RBFOX1: variants seen among roughly 807,000 people sequenced by gnomAD.
RBFOX1 encodes RNA binding fox-1 homolog 1.
Under a neutral mutation model 57.7 loss-of-function variants are expected in RBFOX1, and 8 were observed. The ratio of observed to expected loss-of-function variants is 0.14; its 90% CI spans 0.08 to 0.25. The LOEUF (loss-of-function observed/expected upper bound fraction) is 0.25. RBFOX1 is among the 10% of genes least tolerant of loss of function. The pLI is 1.00. For synonymous variants in RBFOX1, 326 were observed against 222.4 expected (o/e 1.47, Z -4.15); for missense variants, 611 against 548.5 (o/e 1.11, Z -1.14).
At chr16:7,324,075 A>G (rs2096580005) in intron 4 of RBFOX1, among the ~76,000 whole-genome samples, 1 of 152,048 alleles carries the variant, frequency 6.6e-6, no homozygotes, top group Non-Finnish European at 1.5e-5. Flanking sequence ...GTGCTTTTAT[A>G]TGCTAATAGT....
At chr16:7,528,245 G>A (rs997979216) in intron 5 of RBFOX1, among the ~76,000 whole-genome samples, 1 of 152,190 alleles carries the variant, frequency 6.6e-6, no homozygotes, top group Admixed American at 6.5e-5. Flanking sequence ...GTTTCATCGT[G>A]ACTTTGTCCT....
intron 4 of RBFOX1, among the ~76,000 whole-genome samples, chr16:7,200,943 A>G (rs1484297039): frequency 1.3e-5 from 2 of 152,222 alleles, no homozygotes; most frequent in Non-Finnish European, 2.9e-5. Context: ...AAGGTTTAAG[A>G]TGGAATATGT....
At chr16:6,636,154 T>G (rs993678241) in intron 2 of RBFOX1, among the ~76,000 whole-genome samples, 7 of 152,126 alleles carry the variant, frequency 4.6e-5, no homozygotes, top group African/African-American at 1.4e-4. Context: ...AGTTTTGGAT[T>G]TGGGGGCACT....
At chr16:7,677,924 G>T (rs767739508) in intron 14 of RBFOX1, among the ~76,000 whole-genome samples, 1 of 152,134 alleles carries the variant, frequency 6.6e-6, no homozygotes, top group Non-Finnish European at 1.5e-5. Flanking sequence ...GTTTGCTGTG[G>T]TGTGCTTTCT....
At chr16:6,011,547 A>C (rs907030195) in intron 4 of RBFOX1, among the ~76,000 whole-genome samples, 2 of 152,160 alleles carry the variant, frequency 1.3e-5, no homozygotes, top group Non-Finnish European at 2.9e-5. Context: ...TAGTACTACA[A>C]CTGCCGTGTA....
chr16:6,309,375 A>C (rs1326095817), intron 1 of RBFOX1, among the ~76,000 whole-genome samples: 1 of 152,130 alleles, frequency 6.6e-6, no homozygotes. Context: ...ACACAGTTGC[A>C]TCCTTCTGAC....
intron 4 of RBFOX1, among the ~76,000 whole-genome samples, chr16:7,293,951 G>A (rs2095843230): frequency 6.6e-6 from 1 of 152,122 alleles, no homozygotes; most frequent in Non-Finnish European, 1.5e-5. Context: ...TGTTAGAGGT[G>A]AAGTCACTTC....
chr16:7,264,407 A>G (rs2095049536), intron 4 of RBFOX1, among the ~76,000 whole-genome samples: 1 of 152,240 alleles, frequency 6.6e-6, no homozygotes, highest in Non-Finnish European at 1.5e-5. Flanking sequence ...AGCTTACAAC[A>G]GATCTGGGAT....
At chr16:7,384,071 AT>A (rs1186359242) in intron 4 of RBFOX1, among the ~76,000 whole-genome samples, 4 of 151,050 alleles carry the variant, frequency 2.6e-5, no homozygotes, top group African/African-American at 7.3e-5. Context: ...AAAAAAAAGT[AT>A]CCCAAGTATG....
At chr16:6,243,439 G>C (rs74005030) in intron 1 of RBFOX1, among the ~76,000 whole-genome samples, 1 of 152,170 alleles carries the variant, frequency 6.6e-6, no homozygotes, top group Admixed American at 6.5e-5. Context: ...TGGTGCTGCT[G>C]TTTAAGCTTA....
At chr16:7,663,075 G>C (rs755805934) in intron 12 of RBFOX1, among the ~76,000 whole-genome samples, 1 of 152,192 alleles carries the variant, frequency 6.6e-6, no homozygotes, top group Admixed American at 6.5e-5. Context: ...GGGATGGAGC[G>C]GTTTTGATAT....
chr16:5,320,016 G>A (rs2064358685), intron 1 of RBFOX1, among the ~76,000 whole-genome samples: 3 of 152,232 alleles, frequency 2.0e-5, no homozygotes, highest in Admixed American at 2.0e-4. Context: ...CTACAAGGGA[G>A]GCTGGGAAAT....
At chr16:6,791,054 C>T (rs1274760730) in intron 3 of RBFOX1, among the ~76,000 whole-genome samples, 2 of 152,010 alleles carry the variant, frequency 1.3e-5, no homozygotes, top group Non-Finnish European at 2.9e-5. Context: ...CACAGGCATG[C>T]CACCACAATA....
chr16:6,711,711 G>A (rs540773286), intron 3 of RBFOX1, among the ~76,000 whole-genome samples: 11 of 152,234 alleles, frequency 7.2e-5, no homozygotes, highest in Admixed American at 4.6e-4. Context: ...TGTCTCTGTA[G>A]CAGTATGAGA....
At chr16:5,250,901 C>G (rs770811596) in intron 1 of RBFOX1, among the ~76,000 whole-genome samples, 12 of 152,202 alleles carry the variant, frequency 7.9e-5, no homozygotes, top group Non-Finnish European at 1.6e-4. Flanking sequence ...GGTGGGCTGT[C>G]TGGATCAGAG....
chr16:6,600,947 AG>A lies in RBFOX1; in HGVS notation c.-63-53655del, dbSNP rs530145648. The stretch of plus-strand genomic sequence containing the variant: ...CTCAGGTGATACTCTGAGTCAGAAA[AG>A]TGTGAGAAAATATAGCCTCTTAAAT... On this transcript the variant is annotated intron_variant, in intron 2 of 15. Transcript: ENST00000550418. Among the ~76,000 whole-genome samples the A allele has an allele frequency of 1.4e-3, 214 of 152,322 alleles. 2 individuals carry two copies. The highest frequency in any genetic ancestry group is 4.9e-3 in the African/African-American group (204 of 41,592).
At chr16:7,671,455 C>A (rs573817870) in intron 13 of RBFOX1, 2 of 1,153,404 alleles carry the variant, frequency 1.7e-6, no homozygotes, top group South Asian at 2.7e-5. Flanking sequence ...AAGAGAGAAG[C>A]AAACTTGTAA....
chr16:6,950,913 TC>T (rs1170226966), intron 3 of RBFOX1, among the ~76,000 whole-genome samples: 9 of 151,828 alleles, frequency 5.9e-5, no homozygotes, highest in East Asian at 1.9e-4. Context: ...TTTCTTTCTC[TC>T]TTTTTTTTTG....
intron 3 of RBFOX1, among the ~76,000 whole-genome samples, chr16:7,046,291 ATTTG>A (rs374478957): frequency 9.3e-5 from 14 of 150,266 alleles, no homozygotes; most frequent in South Asian, 4.2e-4. Flanking sequence ...CTCTATCATT[ATTTG>A]TTCTGGATGT....
Sources: allele counts gnomAD v4.1 joint callset (sites outside exome capture counted in the v4.1 genomes callset), GRCh38; gene constraint gnomAD v4.1.1; transcripts MANE v1.5; gene names NCBI Gene and HGNC (gene_info 2026-07-23, HGNC 2026-07-21).